Variants in INSC observed in about 807,000 individuals in gnomAD.
INSC encodes protein inscuteable homolog.
In INSC, 67 loss-of-function variants were observed where a neutral mutation model predicts 58.6. The ratio of observed to expected loss-of-function variants is 1.14; its 90% CI spans 0.94 to 1.40. The LOEUF (loss-of-function observed/expected upper bound fraction) is 1.40. Ranked by LOEUF, INSC falls within the 40% of genes most tolerant of loss-of-function variation. INSC has a pLI of 0.00. For missense variants in INSC, 714 were observed against 692.0 expected (o/e 1.03, Z -0.36); for synonymous variants, 262 against 276.1 (o/e 0.95, Z 0.51).
chr11:15,138,634 A>G (rs1848300846), intron 1 of INSC, among the ~76,000 whole-genome samples: 1 of 152,248 alleles, frequency 6.6e-6, no homozygotes, highest in Non-Finnish European at 1.5e-5. Flanking sequence ...AAGTCTGGAT[A>G]GGAAATGGAT....
intron 2 of INSC, among the ~76,000 whole-genome samples, chr11:15,161,336 T>G (rs750374259): frequency 1.3e-5 from 2 of 152,304 alleles, no homozygotes; most frequent in East Asian, 3.9e-4. Flanking sequence ...AAAAATGATA[T>G]AGAACACGTC....
At chr11:15,185,701 A>G (rs1056822501) in intron 5 of INSC, among the ~76,000 whole-genome samples, 2 of 152,174 alleles carry the variant, frequency 1.3e-5, no homozygotes, top group Admixed American at 1.3e-4. Context: ...TAAAAAAGAG[A>G]TTATTCATGT....
intron 2 of INSC, among the ~76,000 whole-genome samples, chr11:15,154,401 A>G (rs1848743279): frequency 6.6e-6 from 1 of 152,216 alleles, no homozygotes; most frequent in South Asian, 2.1e-4. Context: ...TTTGGAGGGA[A>G]AGGGTAAGCC....
At chr11:15,160,578 T>G (rs1564876645) in intron 2 of INSC, among the ~76,000 whole-genome samples, 1 of 152,174 alleles carries the variant, frequency 6.6e-6, no homozygotes, top group Non-Finnish European at 1.5e-5. Context: ...CATACCATTT[T>G]TAGAGGTTAA....
At chr11:15,117,978 C>T (rs1045187182) in intron 1 of INSC, among the ~76,000 whole-genome samples, 1 of 152,228 alleles carries the variant, frequency 6.6e-6, no homozygotes, top group Non-Finnish European at 1.5e-5. Flanking sequence ...GCTCAAGTGT[C>T]TGGGTGCCCG....
At chr11:15,251,368 T>C (rs1347271759), downstream of INSC, among the ~76,000 whole-genome samples, 1 of 152,208 alleles carries the variant, frequency 6.6e-6, no homozygotes, top group Admixed American at 6.5e-5. Context: ...TTGGCTATAA[T>C]ACCTAAAGCA....
intron 2 of INSC, among the ~76,000 whole-genome samples, chr11:15,155,540 C>A (rs778305155): frequency 6.6e-6 from 1 of 152,146 alleles, no homozygotes; most frequent in Non-Finnish European, 1.5e-5. Context: ...TGCCCTCATG[C>A]GGACCATATT....
chr11:15,146,209 C>A (rs969588009), intron 1 of INSC, among the ~76,000 whole-genome samples: 10 of 152,334 alleles, frequency 6.6e-5, no homozygotes, highest in Admixed American at 2.6e-4. Context: ...TCCTATCTCG[C>A]CTTCCAGATA....
intron 1 of INSC, among the ~76,000 whole-genome samples, chr11:15,146,735 T>C (rs1434179246): frequency 6.6e-6 from 1 of 152,216 alleles, no homozygotes; most frequent in Non-Finnish European, 1.5e-5. Flanking sequence ...GGTTCACAGG[T>C]CGGTGATCCA....
At chr11:15,170,393 A>G (rs1260551198) in intron 2 of INSC, among the ~76,000 whole-genome samples, 1 of 151,868 alleles carries the variant, frequency 6.6e-6, no homozygotes, top group Admixed American at 6.6e-5. Flanking sequence ...GCCTTTGTTT[A>G]TGATGACCTT....
intron 1 of INSC, among the ~76,000 whole-genome samples, chr11:15,145,057 G>C (rs1848459626): frequency 1.3e-5 from 2 of 152,178 alleles, no homozygotes; most frequent in South Asian, 4.1e-4. Context: ...ACTCCTACAT[G>C]TGTCCTTTTC....
intron 10 of INSC, among the ~76,000 whole-genome samples, chr11:15,237,260 A>G (rs1852166994): frequency 6.6e-6 from 1 of 152,238 alleles, no homozygotes; most frequent in South Asian, 2.1e-4. Context: ...AACATCTACA[A>G]TAGAATAATG....
chr11:15,233,325 A>T (rs374877004), intron 9 of INSC, among the ~76,000 whole-genome samples: 1 of 152,192 alleles, frequency 6.6e-6, no homozygotes, highest in South Asian at 2.1e-4. Flanking sequence ...CTGCCCCCTG[A>T]CAGCATTGTT....
intron 6 of INSC, among the ~76,000 whole-genome samples, chr11:15,198,518 C>T (rs562410563): frequency 4.6e-5 from 7 of 152,202 alleles, no homozygotes; most frequent in South Asian, 4.2e-4. Flanking sequence ...CATGCGTGTT[C>T]GTTGGCACTG....
intron 6 of INSC, among the ~76,000 whole-genome samples, chr11:15,194,258 G>A (rs757612784): frequency 6.6e-6 from 1 of 152,136 alleles, no homozygotes; most frequent in Non-Finnish European, 1.5e-5. Context: ...GACAGAACCA[G>A]GGATCTAATT....
the INSC span, among the ~76,000 whole-genome samples, chr11:15,253,445 T>C: frequency 6.6e-6 from 1 of 152,132 alleles, no homozygotes; most frequent in Admixed American, 6.6e-5. Flanking sequence ...ATGTCTTATC[T>C]CTGGCTATAT....
At chr11:15,229,349 G>A (rs1441617592) in intron 9 of INSC, among the ~76,000 whole-genome samples, 1 of 151,988 alleles carries the variant, frequency 6.6e-6, no homozygotes, top group East Asian at 1.9e-4. Flanking sequence ...CAGTCACTAG[G>A]GGTTTCATTT....
intron 10 of INSC, 45 bp from the exon 11 acceptor site, chr11:15,238,874 C>T: frequency 6.3e-7 from 1 of 1,587,754 alleles, no homozygotes. Context: ...ATGGGGAAGG[C>T]TCCATGCTGG....
chr11:15,168,279 A>G (rs1365684754), intron 2 of INSC, among the ~76,000 whole-genome samples: 1 of 151,726 alleles, frequency 6.6e-6, no homozygotes, highest in South Asian at 2.1e-4. Flanking sequence ...CCACTACCCC[A>G]CTGACAGGCC....
Sources: gnomAD v4.1 joint callset for allele counts (sites outside exome capture counted in the v4.1 genomes callset) on GRCh38, gnomAD v4.1.1 for gene constraint, MANE v1.5 for transcripts, NCBI Gene and HGNC (gene_info 2026-07-23, HGNC 2026-07-21) for gene names.